GFPT1: variants seen among roughly 807,000 people sequenced by gnomAD.
GFPT1 encodes the protein glutamine--fructose-6-phosphate transaminase 1.
Under a neutral mutation model 92.0 loss-of-function variants are expected in GFPT1, and 40 were observed. That is an observed-to-expected ratio of 0.43 (90% CI 0.34 to 0.57). The LOEUF (loss-of-function observed/expected upper bound fraction) is 0.57, where lower values mean the gene tolerates loss of function less well. Ranked by LOEUF, GFPT1 falls within the 20% of genes least tolerant of loss-of-function variation. The probability of loss-of-function intolerance (pLI) is 0.02; values close to 1 mark genes in which losing one functional copy is unlikely to be tolerated. For missense variants in GFPT1, 448 were observed against 869.1 expected, an observed-to-expected ratio of 0.52 and a Z score of 6.09; for synonymous variants, 269 against 280.6, an observed-to-expected ratio of 0.96 and a Z score of 0.41.
At chr2:69,350,260 T>C (rs1369804403) in intron 9 of GFPT1, 77 bp from the exon 10 acceptor site, 5 of 949,102 alleles carry the variant, frequency 5.3e-6, no homozygotes, top group Admixed American at 4.0e-5. Flanking sequence ...TAATATTCTA[T>C]AAAATCAAGA....
chr2:69,361,895 A>T (rs1276499518), intron 4 of GFPT1, among the ~76,000 whole-genome samples: 6 of 152,086 alleles, frequency 3.9e-5, no homozygotes, highest in Non-Finnish European at 8.8e-5. Flanking sequence ...CAGGAAGATC[A>T]CTTGTGCCCA....
Position 69,341,154 on chromosome 2 carries a change from C to T in GFPT1, c.1203+998G>A, listed in dbSNP as rs537653156. ...TTTTTTTTTGGTAGAGACGGGGTCTCGCTATGTTGCCCAGGCTCAAACTCC... is the reference window on the plus strand; with the variant it reads ...TTTTTTTTTGGTAGAGACGGGGTCTTGCTATGTTGCCCAGGCTCAAACTCC... On this transcript the variant is annotated intron_variant, in intron 13 of 19. Transcript: ENST00000357308. Among the ~76,000 whole-genome samples the T allele has an allele frequency of 4.2e-4, 64 of 151,770 alleles. 1 individual carries two copies. In the South Asian group the frequency reaches 7.1e-3, roughly 17 times the overall value.
At chr2:69,366,261 T>C (rs7592803) in intron 3 of GFPT1, among the ~76,000 whole-genome samples, 101,631 of 151,970 alleles carry the variant, frequency 0.67, 35,697 homozygotes, top group African/African-American at 0.9. Flanking sequence ...TCACTGTTGC[T>C]GTAGGAACAT....
intron 11 of GFPT1, among the ~76,000 whole-genome samples, chr2:69,346,769 C>A (rs997651968): frequency 6.6e-6 from 1 of 151,686 alleles, no homozygotes; most frequent in Non-Finnish European, 1.5e-5. Context: ...GTCTTTGTCA[C>A]CCAGACTGAA....
At chr2:69,336,898 C>T (rs1263166650) in intron 15 of GFPT1, among the ~76,000 whole-genome samples, 2 of 151,970 alleles carry the variant, frequency 1.3e-5, no homozygotes, top group African/African-American at 4.8e-5. Flanking sequence ...TTTTATTAGC[C>T]ACCTAAATTT....
At chr2:69,383,315 G>A (rs1242089907) in intron 1 of GFPT1, among the ~76,000 whole-genome samples, 1 of 152,078 alleles carries the variant, frequency 6.6e-6, no homozygotes, top group Non-Finnish European at 1.5e-5. Flanking sequence ...GCCTTCTACT[G>A]CTCATTACCA....
chr2:69,349,126 T>C (rs1042860553), intron 10 of GFPT1, among the ~76,000 whole-genome samples: 4 of 152,252 alleles, frequency 2.6e-5, no homozygotes, highest in Admixed American at 2.6e-4. Flanking sequence ...TCTGCAGCTC[T>C]TGTCACAGCT....
chr2:69,386,630 T>C (rs1243677357), intron 1 of GFPT1, among the ~76,000 whole-genome samples: 1 of 152,156 alleles, frequency 6.6e-6, no homozygotes, highest in African/African-American at 2.4e-5. Context: ...GTAAAATATT[T>C]TTTTAAAGAT....
At chr2:69,346,262 G>A (rs562070285) in intron 11 of GFPT1, among the ~76,000 whole-genome samples, 2 of 150,576 alleles carry the variant, frequency 1.3e-5, no homozygotes, top group African/African-American at 4.9e-5. Context: ...TTTTTGAGAC[G>A]GAGTCTTGCT....
At chr2:69,329,482 A>G (rs2104600310) in intron 16 of GFPT1, 58 bp from the exon 17 acceptor site, 1 of 1,325,626 alleles carries the variant, frequency 7.5e-7, no homozygotes, top group South Asian at 1.2e-5. Flanking sequence ...ATAACAATAT[A>G]TTGGCAGCAA....
chr2:69,335,129 C>G (rs1374168037), intron 15 of GFPT1, among the ~76,000 whole-genome samples: 1 of 152,046 alleles, frequency 6.6e-6, no homozygotes, highest in African/African-American at 2.4e-5. Context: ...GCCTCAGCCT[C>G]CTGAGTAGCT....
intron 9 of GFPT1, among the ~76,000 whole-genome samples, chr2:69,353,825 A>T (rs1242407005): frequency 6.6e-6 from 1 of 151,352 alleles, no homozygotes; most frequent in Non-Finnish European, 1.5e-5. Context: ...CAAGATAGCA[A>T]ATGTAAATCC....
chr2:69,353,728 G>A (rs145938580), intron 9 of GFPT1, among the ~76,000 whole-genome samples: 1,734 of 152,070 alleles, frequency 0.011, 14 homozygotes, highest in Admixed American at 0.018. Context: ...AAGTTACATC[G>A]AAGTAAATAA....
chr2:69,373,989 T>G lies in GFPT1; in HGVS notation c.115+17A>C, dbSNP rs562949588. Reference sequence around the variant, plus strand: ...TTAAAGAATCATGCAAAATCCATAGTATTTTTTTTAAAGTACCAGCAGAAT... The same window carrying G: ...TTAAAGAATCATGCAAAATCCATAGGATTTTTTTTAAAGTACCAGCAGAAT... On this transcript the variant is annotated intron_variant, in intron 2 of 19. Coordinates refer to ENST00000357308, the MANE Select transcript of GFPT1 (RefSeq NM_001244710.2). The G allele has an allele frequency of 9.2e-7, 1 of 1,092,044 alleles. No homozygotes were observed. Among genetic ancestry groups the G allele is most frequent in the Non-Finnish European group, 1.4e-6 (1 of 705,228 alleles). The allele number at this position is 1,092,044 out of a possible 1,614,324, so 67.6% of individuals were successfully genotyped here. A position where few individuals can be genotyped will look rare whatever the true frequency, so the allele number is the denominator to read the frequency against.
At chr2:69,348,688 C>T (rs1029711623) in intron 10 of GFPT1, among the ~76,000 whole-genome samples, 1 of 152,138 alleles carries the variant, frequency 6.6e-6, no homozygotes, top group Non-Finnish European at 1.5e-5. Context: ...ATCAGCTCCT[C>T]GGGTGGACTA....
intron 14 of GFPT1, 133 bp from the exon 15 acceptor site, chr2:69,338,188 T>C: frequency 1.1e-6 from 1 of 870,982 alleles, no homozygotes. Context: ...ATCCACTTAA[T>C]AAATTTATAA....
intron 2 of GFPT1, among the ~76,000 whole-genome samples, chr2:69,371,714 G>C (rs1422384751): frequency 6.6e-6 from 1 of 150,428 alleles, no homozygotes; most frequent in Admixed American, 6.6e-5. Flanking sequence ...GCGGGTGCCT[G>C]TTGTCCCAGC....
At chr2:69,327,110 C>T (rs1214365563) in intron 18 of GFPT1, 35 bp from the exon 19 acceptor site, 1 of 1,606,398 alleles carries the variant, frequency 6.2e-7, no homozygotes, top group Non-Finnish European at 8.5e-7. Flanking sequence ...CACAACATCA[C>T]TGGTGGGCAA....
chr2:69,374,043 G>A lies in GFPT1; in HGVS notation c.78C>T (p.Gly26=). 6.3e-7 allele frequency: 1 copy of A among 1,592,680 alleles called. No individual in the cohort carries two copies. The highest frequency in any genetic ancestry group is 1.1e-5 in the South Asian group (1 of 90,548). The change falls in exon 2 of 20, where the codon GGC becomes GGT. Residue 26 remains glycine (G), a synonymous_variant. Transcript: ENST00000357308. ...RREILETLIK[G]LQRLEYRGYD... ...ATCCTCTGTACTCCAGTCTCTGAAG[G>A]CCTTTGATTAGGGTCTCCAGGATTT... is the stretch of plus-strand genomic sequence containing the variant.
Sources: gnomAD v4.1 joint callset for allele counts (sites outside exome capture counted in the v4.1 genomes callset) on GRCh38, gnomAD v4.1.1 for gene constraint, MANE v1.5 for transcripts, NCBI Gene and HGNC (gene_info 2026-07-23, HGNC 2026-07-21) for gene names.